Variants in ATG7 observed in about 807,000 individuals in gnomAD.
ATG7 encodes the protein ubiquitin-like modifier-activating enzyme ATG7.
A neutral mutation model predicts 82.4 loss-of-function variants in ATG7; 70 were observed. The observed-to-expected ratio is 0.85, with a 90% CI of 0.70 to 1.04. ATG7 has a LOEUF of 1.04. ATG7 is among the 50% of genes least tolerant of loss of function. The pLI is 0.00. For missense variants in ATG7, 792 were observed against 864.3 expected, an observed-to-expected ratio of 0.92 and a Z score of 1.05; for synonymous variants, 287 against 313.0, an observed-to-expected ratio of 0.92 and a Z score of 0.88.
chr3:11,322,273 C>G (rs558349339), intron 9 of ATG7, among the ~76,000 whole-genome samples: 1 of 152,244 alleles, frequency 6.6e-6, no homozygotes, highest in East Asian at 1.9e-4. Flanking sequence ...TCTGTTTTAT[C>G]TTTTTGAAAA....
intron 16 of ATG7, among the ~76,000 whole-genome samples, chr3:11,362,242 G>C (rs1366954228): frequency 6.6e-6 from 1 of 152,074 alleles, no homozygotes; most frequent in Non-Finnish European, 1.5e-5. Context: ...ACCAGCAAAG[G>C]CTTGTGCTTA....
intron 20 of ATG7, among the ~76,000 whole-genome samples, chr3:11,448,231 G>C (rs2084767360): frequency 6.6e-6 from 1 of 152,220 alleles, no homozygotes; most frequent in Non-Finnish European, 1.5e-5. Context: ...CTTTCTCTGA[G>C]ATTGGAGCAC....
chr3:11,455,943 G>T (rs2085666110), intron 20 of ATG7, among the ~76,000 whole-genome samples: 1 of 152,064 alleles, frequency 6.6e-6, no homozygotes, highest in African/African-American at 2.4e-5. Context: ...AACCCCGATG[G>T]CATTGTCTAT....
intron 20 of ATG7, among the ~76,000 whole-genome samples, chr3:11,481,778 C>T (rs1663094179): frequency 6.6e-6 from 1 of 152,332 alleles, no homozygotes; most frequent in East Asian, 1.9e-4. Flanking sequence ...CTGGTTCCTG[C>T]CTCTGCCTTT....
intron 19 of ATG7, among the ~76,000 whole-genome samples, chr3:11,392,296 C>T (rs577401845): frequency 1.3e-5 from 2 of 152,086 alleles, no homozygotes; most frequent in East Asian, 3.9e-4. Flanking sequence ...CATGCAGCTG[C>T]TAAGAATCCA....
intron 20 of ATG7, among the ~76,000 whole-genome samples, chr3:11,472,364 C>T (rs997793101): frequency 1.3e-5 from 2 of 152,096 alleles, no homozygotes; most frequent in Non-Finnish European, 2.9e-5. Flanking sequence ...GGAAGGAGAG[C>T]GTTGTTCCCA....
intron 9 of ATG7, among the ~76,000 whole-genome samples, chr3:11,318,565 T>C (rs941641446): frequency 2.6e-5 from 4 of 152,236 alleles, no homozygotes; most frequent in African/African-American, 9.6e-5. Flanking sequence ...TCCACACTGC[T>C]GTCCAAGTGC....
chr3:11,378,776 C>T (rs2077648439), intron 18 of ATG7, among the ~76,000 whole-genome samples: 1 of 149,466 alleles, frequency 6.7e-6, no homozygotes, highest in Admixed American at 6.7e-5. Context: ...ACAGTTAACA[C>T]TGTTACAGTG....
chr3:11,383,407 C>T (rs1475894988), intron 19 of ATG7, among the ~76,000 whole-genome samples: 1 of 152,158 alleles, frequency 6.6e-6, no homozygotes, highest in Admixed American at 6.5e-5. Flanking sequence ...GATGCTGTCT[C>T]CTCATGTCAG....
intron 19 of ATG7, among the ~76,000 whole-genome samples, chr3:11,388,162 G>A (rs537602634): frequency 6.6e-6 from 1 of 152,140 alleles, no homozygotes. Flanking sequence ...TTTGGGAACT[G>A]ACCATCTACC....
intron 20 of ATG7, among the ~76,000 whole-genome samples, chr3:11,458,480 G>T (rs1448312835): frequency 6.6e-6 from 1 of 152,076 alleles, no homozygotes; most frequent in Non-Finnish European, 1.5e-5. Flanking sequence ...AGCCAGGATG[G>T]TCTCAATCTC....
At chr3:11,333,240 C>G (rs965732899) in intron 11 of ATG7, 147 bp downstream of exon 11, 2 of 1,086,194 alleles carry the variant, frequency 1.8e-6, no homozygotes, top group African/African-American at 3.3e-5. Context: ...ACACCTACTT[C>G]GAACAGAGGG....
intron 19 of ATG7, among the ~76,000 whole-genome samples, chr3:11,391,780 C>T (rs927917365): frequency 6.6e-6 from 1 of 152,156 alleles, no homozygotes. Context: ...TTTCCAGTGT[C>T]TTATGAATTG....
chr3:11,297,390 C>G (rs958078342), intron 3 of ATG7, among the ~76,000 whole-genome samples: 1 of 152,112 alleles, frequency 6.6e-6, no homozygotes, highest in South Asian at 2.1e-4. Flanking sequence ...TTCATATGTT[C>G]TGCTGCAGAA....
chr3:11,518,289 G>A (rs1396144772), intron 20 of ATG7, among the ~76,000 whole-genome samples: 1 of 152,188 alleles, frequency 6.6e-6, no homozygotes, highest in Admixed American at 6.5e-5. Context: ...GCTCACGCCT[G>A]TAATCCCAGG....
the ATG7 span, among the ~76,000 whole-genome samples, chr3:11,572,302 T>G: frequency 5.3e-5 from 8 of 152,318 alleles, no homozygotes; most frequent in East Asian, 1.3e-3. Context: ...CTAAGTAACT[T>G]TTCTAAGTTT....
chr3:11,401,820 C>A (rs2079864797), intron 19 of ATG7, among the ~76,000 whole-genome samples: 1 of 152,166 alleles, frequency 6.6e-6, no homozygotes, highest in Non-Finnish European at 1.5e-5. Flanking sequence ...AATATTTTTT[C>A]TTTGCTCTAG....
intron 18 of ATG7, among the ~76,000 whole-genome samples, chr3:11,368,764 G>A (rs2076801158): frequency 6.7e-6 from 1 of 149,238 alleles, no homozygotes; most frequent in African/African-American, 2.5e-5. Context: ...GAATCAAGGT[G>A]ACGCTACAAC....
chr3:11,502,128 A>G (rs1334224198), intron 20 of ATG7, among the ~76,000 whole-genome samples: 2 of 152,196 alleles, frequency 1.3e-5, no homozygotes, highest in Non-Finnish European at 2.9e-5. Flanking sequence ...CTGAAGGATA[A>G]TGAGAGAATA....
Sources: allele counts gnomAD v4.1 joint callset (sites outside exome capture counted in the v4.1 genomes callset), GRCh38; gene constraint gnomAD v4.1.1; transcripts MANE v1.5; gene names NCBI Gene and HGNC (gene_info 2026-07-23, HGNC 2026-07-21).